Variants in HMOX2 observed in about 807,000 individuals in gnomAD.
The protein encoded by HMOX2 is heme oxygenase (decycling) 2.
Under a neutral mutation model 33.7 loss-of-function variants are expected in HMOX2, and 30 were observed. That is an observed-to-expected ratio of 0.89 (90% CI 0.67 to 1.21). The LOEUF (loss-of-function observed/expected upper bound fraction) is 1.21, where lower values mean the gene tolerates loss of function less well. HMOX2 is among the 50% of genes most tolerant of loss of function. The pLI, the probability that HMOX2 is intolerant of heterozygous loss-of-function variation, is 0.00. For synonymous variants in HMOX2, 155 were observed against 155.0 expected (o/e 1.00, Z 0.00); for missense variants, 403 against 399.1 (o/e 1.01, Z -0.08).
chr16:4,492,954 T>C (rs764283794), intron 1 of HMOX2, among the ~76,000 whole-genome samples: 5 of 152,186 alleles, frequency 3.3e-5, no homozygotes, highest in African/African-American at 2.4e-5. Flanking sequence ...CAGGAATTGC[T>C]TGAACCCAGG....
Position 4,505,584 on chromosome 16 carries a change from G to A in HMOX2, c.60G>A (p.Gly20=). The change falls in exon 2 of 6, where the codon GGG becomes GGA. Residue 20 remains glycine, a synonymous_variant. Transcript: ENST00000570646. ...GVDESEKKNS[G]ALEKENQMRM... ...ACGAGTCAGAAAAAAAGAACTCTGG[G>A]GCCCTAGAAAAGGAGAACCAAATGA... 6.2e-7 allele frequency: 1 copy of A among 1,601,218 alleles called. No individual in the cohort carries two copies. Among genetic ancestry groups the A allele is most frequent in the South Asian group, 1.1e-5 (1 of 89,212 alleles).
At chr16:4,482,724 G>T (rs933705309) in intron 1 of HMOX2, among the ~76,000 whole-genome samples, 29 of 152,120 alleles carry the variant, frequency 1.9e-4, no homozygotes, top group African/African-American at 7.0e-4. Flanking sequence ...TTACTCTAAA[G>T]GATATTAAGA....
At chr16:4,508,292 T>G in intron 4 of HMOX2, 88 bp downstream of exon 4, 2 of 1,424,852 alleles carry the variant, frequency 1.4e-6, no homozygotes, top group South Asian at 2.7e-5. Flanking sequence ...AAGGCACACA[T>G]GGCATTAGGA....
intron 1 of HMOX2, among the ~76,000 whole-genome samples, chr16:4,498,848 G>A (rs1029653878): frequency 6.6e-6 from 1 of 152,222 alleles, no homozygotes; most frequent in African/African-American, 2.4e-5. Flanking sequence ...CTCAGAAGCT[G>A]TAGTTCTAGA....
chr16:4,489,891 G>A lies in HMOX2; in HGVS notation c.-42+13404G>A, dbSNP rs572944448. Among the ~76,000 whole-genome samples, 9 of 152,300 alleles carry A rather than the reference G, an allele frequency of 5.9e-5. No homozygotes were observed. The South Asian group carries it at 1.2e-3, about 21-fold the overall frequency. The stretch of plus-strand genomic sequence containing the variant: ...CTCCCAAAGTGTTGGGATTACAGGC[G>A]TGAGCCACCGCGCCCAGCCCATTAT... On this transcript the variant is annotated intron_variant, in intron 1 of 5. Coordinates refer to ENST00000570646, the MANE Select transcript of HMOX2 (RefSeq NM_002134.4).
At chr16:4,489,091 C>A (rs975289854) in intron 1 of HMOX2, among the ~76,000 whole-genome samples, 19 of 152,088 alleles carry the variant, frequency 1.2e-4, no homozygotes, top group African/African-American at 3.9e-4. Flanking sequence ...CAGTGTTATG[C>A]TACCAATCAG....
chr16:4,510,340 G>T lies in HMOX2; in HGVS notation c.*584G>T. 6.5e-6 allele frequency: 1 copy of T among 154,308 alleles called. No homozygotes were observed. Among genetic ancestry groups the T allele is most frequent in the Non-Finnish European group, 1.4e-5 (1 of 69,404 alleles). 9.6% of individuals were successfully genotyped at this position (154,308 alleles called of 1,614,324 possible). A position where few individuals can be genotyped will look rare whatever the true frequency, so the allele number is the denominator to read the frequency against. ...TCCAGCACTCAATAAAGTGGGCTTTGCAAGCTACCTCCTTCCCTGCCTCCT... is the reference window on the plus strand; with the variant it reads ...TCCAGCACTCAATAAAGTGGGCTTTTCAAGCTACCTCCTTCCCTGCCTCCT... On this transcript the variant is annotated 3_prime_UTR_variant, in exon 6 of 6. Coordinates refer to ENST00000570646, the MANE Select transcript of HMOX2 (RefSeq NM_002134.4).
rs375312496 is a variant in HMOX2, at chr16:4,509,615, G to A, written c.824-14G>A. 6.8e-5 allele frequency: 109 copies of A among 1,613,458 alleles called. No homozygotes were observed. In the African/African-American group the frequency reaches 1.3e-3, roughly 19 times the overall value. On this transcript the variant is annotated splice_polypyrimidine_tract_variant and intron_variant, in intron 5 of 5. Coordinates refer to ENST00000570646, the MANE Select transcript of HMOX2 (RefSeq NM_002134.4). Reference sequence around the variant, plus strand: ...TCCACTGATGCCATGTCTCCTATTGGTGCTGCCACACAGGTGCCCTGGAGG... The same window carrying A: ...TCCACTGATGCCATGTCTCCTATTGATGCTGCCACACAGGTGCCCTGGAGG...
chr16:4,482,385 C>T (rs752815490), intron 1 of HMOX2, among the ~76,000 whole-genome samples: 1 of 152,154 alleles, frequency 6.6e-6, no homozygotes, highest in Non-Finnish European at 1.5e-5. Flanking sequence ...TTCCCACAGT[C>T]ACTCAACACA....
chr16:4,475,635 G>T (rs951512822), upstream of HMOX2, among the ~76,000 whole-genome samples: 59 of 151,728 alleles, frequency 3.9e-4, no homozygotes, highest in African/African-American at 1.4e-3. Context: ...ATTTCTTTGT[G>T]TTCAGTAAAA....
At position 4,478,966 on chromosome 16, in the gene HMOX2, C is replaced by G. The variant is rs1209686171; in HGVS notation, c.-42+2479C>G. The stretch of plus-strand genomic sequence containing the variant: ...GGTCAGGAGTTCGAGACCAGCCTGG[C>G]TAACATTGTGAAACCCCGTCTCTAC... On this transcript the variant is annotated intron_variant, in intron 1 of 5. Transcript: ENST00000570646. 3.9e-5 allele frequency among the ~76,000 whole-genome samples: 6 copies of G among 152,096 alleles called. No homozygotes were observed. The East Asian group carries it at 9.7e-4, about 25-fold the overall frequency.
rs533686422 is a variant in HMOX2 at position 4,508,025 on chromosome 16, C to A, written c.517C>A (p.Arg173=). The A allele has an allele frequency of 6.2e-7, 1 of 1,613,918 alleles. No individual in the cohort carries two copies. Among genetic ancestry groups the A allele is most frequent in the East Asian group, 2.2e-5 (1 of 44,860 alleles). The change falls in exon 4 of 6, where the codon CGA becomes AGA. Residue 173 remains arginine (R), a synonymous_variant. Transcript: ENST00000570646. ...CCAGGTGCTGAAGAAGGTGGCCCAGCGAGCACTGAAACTCCCCAGCACAGG... is the reference window on the plus strand; with the variant it reads ...CCAGGTGCTGAAGAAGGTGGCCCAGAGAGCACTGAAACTCCCCAGCACAGG... ...GGQVLKKVAQ[R]ALKLPSTGEG...
intron 1 of HMOX2, chr16:4,495,459 A>T (rs558345301): frequency 6.6e-6 from 1 of 152,242 alleles, no homozygotes; most frequent in Admixed American, 6.6e-5. Flanking sequence ...CCTTTCCCCA[A>T]TTTCAGTCCC....
In HMOX2 at chr16:4,506,876, A is replaced by AT; in HGVS notation, c.87-19_87-18insT. 6.4e-7 allele frequency: 1 copy of AT among 1,554,970 alleles called. No individual in the cohort carries two copies. Among genetic ancestry groups the AT allele is most frequent in the East Asian group, 2.2e-5 (1 of 44,562 alleles). The stretch of plus-strand genomic sequence containing the variant: ...GGGAAGGGCTAATTGACACACAAAC[A>AT]CCTCCCATCTCTCCACAGAATGGCT... On this transcript the variant is annotated intron_variant, in intron 2 of 5. Transcript: ENST00000570646.
At chr16:4,506,820 A>G (rs771486039) in intron 2 of HMOX2, 75 bp from the exon 3 acceptor site, 59 of 1,111,210 alleles carry the variant, frequency 5.3e-5, no homozygotes, top group Non-Finnish European at 7.2e-5. Context: ...TGTGGACTCA[A>G]TCTTCTCTCT....
At chr16:4,487,774 C>T (rs140287289) in intron 1 of HMOX2, among the ~76,000 whole-genome samples, 5 of 139,440 alleles carry the variant, frequency 3.6e-5, no homozygotes, top group Admixed American at 7.2e-5. Flanking sequence ...GGAGACAGAG[C>T]GAGACTCCGT....
rs770750358 is a variant in HMOX2 at position 4,505,505 on chromosome 16, A to C, written c.-20A>C. On this transcript the variant is annotated 5_prime_UTR_variant, in exon 2 of 6. Coordinates refer to ENST00000570646, the MANE Select transcript of HMOX2 (RefSeq NM_002134.4). ...GCAGGACCAGAGGAGCGAGAGCAGC[A>C]AGAACCACACCCAGCAGCAATGTCA... The C allele has an allele frequency of 1.3e-6, 2 of 1,592,974 alleles. No individual in the cohort carries two copies. The highest frequency in any genetic ancestry group is 1.7e-6 in the Non-Finnish European group (2 of 1,167,460).
intron 1 of HMOX2, among the ~76,000 whole-genome samples, chr16:4,479,724 C>CTA (rs2057964835): frequency 1.1e-5 from 1 of 93,890 alleles, no homozygotes; most frequent in East Asian, 3.0e-4. Context: ...TTTTCTTATT[C>CTA]TATTTTTTTT....
intron 4 of HMOX2, among the ~76,000 whole-genome samples, chr16:4,509,050 C>T (rs1434342084): frequency 2.6e-5 from 4 of 152,182 alleles, no homozygotes; most frequent in Non-Finnish European, 5.9e-5. Context: ...CTCTGGAGGG[C>T]GTCCTCTAAA....
Sources: gnomAD v4.1 joint callset for allele counts (sites outside exome capture counted in the v4.1 genomes callset) on GRCh38, gnomAD v4.1.1 for gene constraint, MANE v1.5 for transcripts, NCBI Gene and HGNC (gene_info 2026-07-23, HGNC 2026-07-21) for gene names.